The following NCALD variants were observed in gnomAD, a reference collection of about 807,000 sequenced individuals.
The protein encoded by NCALD is neurocalcin delta, also known as neurocalcin-delta.
In NCALD, 10 loss-of-function variants were observed where a neutral mutation model predicts 18.6. That is an observed-to-expected ratio of 0.54 (90% CI 0.33 to 0.91). NCALD has a LOEUF of 0.91. Ranked by LOEUF, NCALD falls within the 40% of genes least tolerant of loss-of-function variation. NCALD has a pLI of 0.03. For missense variants in NCALD, 184 were observed against 247.6 expected (o/e 0.74, Z 1.72); for synonymous variants, 88 against 87.4 (o/e 1.01, Z -0.04).
At chr8:101,952,111 G>A (rs1819448499) in intron 2 of NCALD, among the ~76,000 whole-genome samples, 1 of 152,216 alleles carries the variant, frequency 6.6e-6, no homozygotes, top group South Asian at 2.1e-4. Context: ...CCGGGCAGGA[G>A]GGCAAGTGGG....
At chr8:102,022,103 A>T (rs1822296761) in intron 1 of NCALD, among the ~76,000 whole-genome samples, 1 of 152,166 alleles carries the variant, frequency 6.6e-6, no homozygotes, top group African/African-American at 2.4e-5. Context: ...AACCACCAAG[A>T]GGTGGTGATG....
intron 4 of NCALD, among the ~76,000 whole-genome samples, chr8:101,819,545 T>C (rs2131182597): frequency 6.6e-6 from 1 of 152,202 alleles, no homozygotes; most frequent in South Asian, 2.1e-4. Flanking sequence ...GAGATTATTA[T>C]TCCTTATTTT....
At chr8:101,690,817 G>T in intron 3 of NCALD, 2 of 985,378 alleles carry the variant, frequency 2.0e-6, no homozygotes, top group Non-Finnish European at 2.4e-6. Context: ...CTCCAGCTTG[G>T]CAAGGCATGA....
intron 1 of NCALD, among the ~76,000 whole-genome samples, chr8:101,731,008 C>T (rs549380353): frequency 3.3e-5 from 5 of 151,996 alleles, no homozygotes; most frequent in Non-Finnish European, 4.4e-5. Context: ...AGTCAGTGAA[C>T]GGGTGTCGGA....
chr8:101,992,664 G>T (rs1450837406), intron 2 of NCALD, among the ~76,000 whole-genome samples: 2 of 152,162 alleles, frequency 1.3e-5, no homozygotes, highest in African/African-American at 4.8e-5. Context: ...GAACACATGT[G>T]AAGCACTCAC....
chr8:101,701,141 C>A (rs1333430285), intron 2 of NCALD, among the ~76,000 whole-genome samples: 1 of 152,192 alleles, frequency 6.6e-6, no homozygotes, highest in Non-Finnish European at 1.5e-5. Flanking sequence ...GCAGGATTGT[C>A]TGTCCCTTTG....
chr8:101,922,596 T>G (rs926868867), intron 2 of NCALD, among the ~76,000 whole-genome samples: 1 of 152,196 alleles, frequency 6.6e-6, no homozygotes, highest in Non-Finnish European at 1.5e-5. Flanking sequence ...ACAAAACCAT[T>G]CTACAGATTG....
chr8:101,720,248 A>G (rs1310230683), intron 1 of NCALD, among the ~76,000 whole-genome samples: 1 of 152,256 alleles, frequency 6.6e-6, no homozygotes, highest in Non-Finnish European at 1.5e-5. Context: ...ATTTAAACGC[A>G]TGGAATAAAT....
chr8:101,726,508 A>G (rs1171785035), intron 1 of NCALD, among the ~76,000 whole-genome samples: 1 of 152,116 alleles, frequency 6.6e-6, no homozygotes, highest in African/African-American at 2.4e-5. Flanking sequence ...AAAAAAGAGA[A>G]CAGTGCAGCA....
intron 2 of NCALD, among the ~76,000 whole-genome samples, chr8:101,716,141 A>T (rs1429064931): frequency 6.6e-6 from 1 of 152,236 alleles, no homozygotes; most frequent in South Asian, 2.1e-4. Flanking sequence ...TGTAGCCACA[A>T]AAAAAGAATA....
chr8:101,789,785 G>A (rs1156381470), intron 1 of NCALD, among the ~76,000 whole-genome samples: 2 of 152,064 alleles, frequency 1.3e-5, no homozygotes, highest in Non-Finnish European at 2.9e-5. Flanking sequence ...GCTAACTTCA[G>A]TACTACAGGT....
At chr8:101,970,024 C>T (rs1820179852) in intron 2 of NCALD, among the ~76,000 whole-genome samples, 1 of 152,082 alleles carries the variant, frequency 6.6e-6, no homozygotes, top group Non-Finnish European at 1.5e-5. Flanking sequence ...CAGAGTAATA[C>T]TACAAATAAT....
At chr8:102,091,195 C>T (rs1158876943) in intron 1 of NCALD, among the ~76,000 whole-genome samples, 1 of 152,074 alleles carries the variant, frequency 6.6e-6, no homozygotes, top group Non-Finnish European at 1.5e-5. Context: ...ATTTAAAGAG[C>T]TTATGTGAAA....
intron 2 of NCALD, among the ~76,000 whole-genome samples, chr8:101,975,070 TATAAAG>T (rs1168378567): frequency 1.3e-5 from 2 of 152,170 alleles, no homozygotes; most frequent in Non-Finnish European, 2.9e-5. Context: ...AATGAAATAT[TATAAAG>T]ATAAACATTA....
In NCALD at chr8:101,689,149, G is replaced by A. The variant is rs751141324; in HGVS notation, c.*160C>T. ...CTGGGCATTCCCACGAAGCATCCAC[G>A]ACAAAAGAAGCTGAAGGCGTCACGG... On this transcript the variant is annotated 3_prime_UTR_variant, in exon 4 of 4. Coordinates refer to ENST00000220931, the MANE Select transcript of NCALD (RefSeq NM_032041.3). This position sits in a 1 kb window ranked among gnomAD's most constrained non-coding sequence, Gnocchi z 4.4. The A allele has an allele frequency of 8.7e-5, 64 of 732,624 alleles. No homozygotes were observed. The highest frequency in any genetic ancestry group is 1.4e-4 in the Non-Finnish European group (57 of 410,636). The allele number at this position is 732,624 out of a possible 1,614,324, so 45.4% of individuals were successfully genotyped here.
intron 2 of NCALD, among the ~76,000 whole-genome samples, chr8:101,945,348 G>A (rs1320953348): frequency 2.0e-5 from 3 of 152,178 alleles, no homozygotes; most frequent in Non-Finnish European, 4.4e-5. Context: ...GGTGGGGGAC[G>A]AGGAGAGGAA....
intron 3 of NCALD, among the ~76,000 whole-genome samples, chr8:101,890,682 G>A (rs899426048): frequency 1.7e-4 from 26 of 152,136 alleles, no homozygotes; most frequent in Non-Finnish European, 2.9e-5. Context: ...TAGGCTTCAC[G>A]AGACATTAAA....
intron 1 of NCALD, among the ~76,000 whole-genome samples, chr8:101,746,494 A>T (rs1810430283): frequency 1.3e-5 from 2 of 152,190 alleles, no homozygotes; most frequent in Non-Finnish European, 2.9e-5. Context: ...TGTTCACTTC[A>T]GCCTCTTCAG....
intron 2 of NCALD, among the ~76,000 whole-genome samples, chr8:101,920,797 C>T (rs1426516594): frequency 6.6e-6 from 1 of 152,096 alleles, no homozygotes; most frequent in Non-Finnish European, 1.5e-5. Context: ...ACCTGGGTGA[C>T]AGAATCACTG....
Sources: gnomAD v4.1 joint callset for allele counts (sites outside exome capture counted in the v4.1 genomes callset) on GRCh38, gnomAD v4.1.1 for gene constraint, Gnocchi (gnomAD v3.1) non-coding constraint, MANE v1.5 for transcripts, NCBI Gene and HGNC (gene_info 2026-07-23, HGNC 2026-07-21) for gene names.